The following SP6 variants were observed in gnomAD, a reference collection of about 807,000 sequenced individuals.
SP6 encodes Sp6 transcription factor.
Under a neutral mutation model 23.4 loss-of-function variants are expected in SP6, and 10 were observed. That is an observed-to-expected ratio of 0.43 (90% CI 0.26 to 0.72). The LOEUF (loss-of-function observed/expected upper bound fraction) is 0.72. Ranked by LOEUF, SP6 falls within the 30% of genes least tolerant of loss-of-function variation. The probability of loss-of-function intolerance (pLI) is 0.23; values close to 1 mark genes in which losing one functional copy is unlikely to be tolerated. For missense variants in SP6, 482 were observed against 523.8 expected (o/e 0.92, Z 0.78); for synonymous variants, 238 against 238.7 (o/e 1.00, Z 0.03).
chr17:47,863,742 T>A, the SP6 span, among the ~76,000 whole-genome samples: 2 of 144,050 alleles, frequency 1.4e-5, no homozygotes, highest in Non-Finnish European at 3.0e-5. Flanking sequence ...TTTTGTATTT[T>A]TTTTTTTTTT....
upstream of SP6, among the ~76,000 whole-genome samples, chr17:47,860,728 A>G: frequency 9.7e-6 from 1 of 103,128 alleles, no homozygotes. Flanking sequence ...TAAAATAAAT[A>G]AATAAATAAA....
At chr17:47,868,789 G>A in the SP6 span, among the ~76,000 whole-genome samples, 1 of 152,176 alleles carries the variant, frequency 6.6e-6, no homozygotes, top group Non-Finnish European at 1.5e-5. Flanking sequence ...GGAGGAGAAG[G>A]GTTCCTGAGG....
upstream of SP6, among the ~76,000 whole-genome samples, chr17:47,851,716 C>A (rs1305515631): frequency 6.8e-6 from 1 of 146,500 alleles, no homozygotes; most frequent in Non-Finnish European, 1.5e-5. Context: ...GACCCCCGAC[C>A]CCCGTCCCCT....
rs898258506 is a variant in SP6, at chr17:47,846,626, T to G, written c.*673A>C. The G allele has an allele frequency of 6.6e-6, 1 of 152,120 alleles. No individual in the cohort carries two copies. The highest frequency in any genetic ancestry group is 1.5e-5 in the Non-Finnish European group (1 of 68,010). 9.4% of individuals were successfully genotyped at this position (152,120 alleles called of 1,614,324 possible). ...GCCCTGGCTGGGAGGCTGTCAGGAA[T>G]GGCAGCCCTCTTTCCCTCTTCCTTC... is the stretch of plus-strand genomic sequence containing the variant. On this transcript the variant is annotated 3_prime_UTR_variant, in exon 2 of 2. Coordinates refer to ENST00000536300, the MANE Select transcript of SP6 (RefSeq NM_001258248.2).
the SP6 span, chr17:47,863,215 T>G: frequency 3.3e-5 from 5 of 152,276 alleles, no homozygotes; most frequent in African/African-American, 1.2e-4. Context: ...ATTTGCAGTG[T>G]CACCTCTGAT....
upstream of SP6, among the ~76,000 whole-genome samples, chr17:47,860,634 C>T (rs1015348416): frequency 6.7e-6 from 1 of 148,700 alleles, no homozygotes; most frequent in African/African-American, 2.5e-5. Context: ...GAGGCGGAGG[C>T]GGGAGGATTA....
chr17:47,863,994 C>T, the SP6 span, among the ~76,000 whole-genome samples: 4 of 146,506 alleles, frequency 2.7e-5, no homozygotes, highest in Non-Finnish European at 4.5e-5. Flanking sequence ...TGAGCTACCG[C>T]GCCTGGCTTT....
chr17:47,845,659 G>A lies in SP6; in HGVS notation c.*1640C>T, dbSNP rs1364374951. Reference sequence around the variant, plus strand: ...ATAAGATGGGGTCTCCCTGGCTAGAGACCCCAGGCTCAGTAGAGAAACACA... The same window carrying A: ...ATAAGATGGGGTCTCCCTGGCTAGAAACCCCAGGCTCAGTAGAGAAACACA... On this transcript the variant is annotated 3_prime_UTR_variant, in exon 2 of 2. Coordinates refer to ENST00000536300, the MANE Select transcript of SP6 (RefSeq NM_001258248.2). 1.3e-5 allele frequency: 2 copies of A among 152,586 alleles called. No homozygotes were observed. The highest frequency in any genetic ancestry group is 2.9e-5 in the Non-Finnish European group (2 of 68,028). The allele number at this position is 152,586 out of a possible 1,614,324, so 9.5% of individuals were successfully genotyped here. A position where few individuals can be genotyped will look rare whatever the true frequency, so the allele number is the denominator to read the frequency against.
the SP6 span, among the ~76,000 whole-genome samples, chr17:47,863,022 C>T: frequency 2.3e-4 from 35 of 152,364 alleles, no homozygotes; most frequent in Admixed American, 5.2e-4. Flanking sequence ...TTTTAGAGGG[C>T]GCCCAGCGCC....
the SP6 span, among the ~76,000 whole-genome samples, chr17:47,871,624 T>C: frequency 6.6e-6 from 1 of 150,840 alleles, no homozygotes; most frequent in Non-Finnish European, 1.5e-5. Context: ...TTTCTTTCTT[T>C]TTTTTTTTTT....
the SP6 span, among the ~76,000 whole-genome samples, chr17:47,862,507 CAAAAAAA>C: frequency 4.6e-5 from 4 of 86,050 alleles, no homozygotes; most frequent in Admixed American, 1.3e-4. Context: ...GACTTTGTCT[CAAAAAAA>C]AAAAAAAAAA....
upstream of SP6, among the ~76,000 whole-genome samples, chr17:47,857,579 G>A (rs1487976284): frequency 6.6e-6 from 1 of 152,034 alleles, no homozygotes; most frequent in Non-Finnish European, 1.5e-5. Flanking sequence ...CTGGCCTCTG[G>A]ATCAGTCAGG....
Position 47,848,440 on chromosome 17 carries a change from C to T in SP6, c.-11G>A. 1 of 1,490,766 alleles carries T rather than the reference C, an allele frequency of 6.7e-7. No homozygotes were observed. The highest frequency in any genetic ancestry group is 9.0e-7 in the Non-Finnish European group (1 of 1,116,512). The allele number at this position is 1,490,766 out of a possible 1,614,324, so 92.3% of individuals were successfully genotyped here. On this transcript the variant is annotated 5_prime_UTR_variant, in exon 2 of 2. Transcript: ENST00000536300. The surrounding 1 kb of genome is among the most constrained non-coding windows in gnomAD (Gnocchi z 5.3). ...GACAGCGGTTAGCATTGCCGGGATC[C>T]GGGGTGGGGTGAGGGCAGGGACGGT...
the SP6 span, among the ~76,000 whole-genome samples, chr17:47,869,060 TC>T: frequency 6.6e-6 from 1 of 152,272 alleles, no homozygotes; most frequent in Non-Finnish European, 1.5e-5. Context: ...GACTCCCCAC[TC>T]CCCCATATCT....
At chr17:47,856,135 A>G (rs1005529539), upstream of SP6, among the ~76,000 whole-genome samples, 1 of 152,212 alleles carries the variant, frequency 6.6e-6, no homozygotes, top group Non-Finnish European at 1.5e-5. Flanking sequence ...CATGCCCCCA[A>G]CAAACACACA....
In SP6 at chr17:47,847,285, C is replaced by A. The variant is rs1278774046; in HGVS notation, c.*14G>T. ...GCCCCCCGGGATACCCGCAGGGAGGCGGCACTGAGGAGCTCAGTTGGAGGG... is the reference window on the plus strand; with the variant it reads ...GCCCCCCGGGATACCCGCAGGGAGGAGGCACTGAGGAGCTCAGTTGGAGGG... On this transcript the variant is annotated 3_prime_UTR_variant, in exon 2 of 2. Coordinates refer to ENST00000536300, the MANE Select transcript of SP6 (RefSeq NM_001258248.2). 1 of 1,499,282 alleles carries A rather than the reference C, an allele frequency of 6.7e-7. No homozygotes were observed. The highest frequency in any genetic ancestry group is 8.9e-7 in the Non-Finnish European group (1 of 1,121,688). The allele number at this position is 1,499,282 out of a possible 1,614,324, so 92.9% of individuals were successfully genotyped here. A position where few individuals can be genotyped will look rare whatever the true frequency, so the allele number is the denominator to read the frequency against.
the SP6 span, among the ~76,000 whole-genome samples, chr17:47,861,218 G>A: frequency 7.2e-5 from 11 of 152,102 alleles, no homozygotes; most frequent in Non-Finnish European, 1.6e-4. Context: ...GCCTGGTGTG[G>A]CCCGTAGGTT....
the SP6 span, among the ~76,000 whole-genome samples, chr17:47,868,464 G>A: frequency 1.3e-5 from 2 of 151,322 alleles, no homozygotes; most frequent in East Asian, 3.9e-4. Flanking sequence ...CACAGCCAGT[G>A]GGGGGCACTG....
chr17:47,866,461 G>A, the SP6 span, among the ~76,000 whole-genome samples: 1 of 152,192 alleles, frequency 6.6e-6, no homozygotes, highest in Non-Finnish European at 1.5e-5. Context: ...TGGGAGCCAG[G>A]AGATAGGGTT....
Sources: gnomAD v4.1 joint callset for allele counts (sites outside exome capture counted in the v4.1 genomes callset) on GRCh38, gnomAD v4.1.1 for gene constraint, Gnocchi (gnomAD v3.1) non-coding constraint, MANE v1.5 for transcripts, NCBI Gene and HGNC (gene_info 2026-07-23, HGNC 2026-07-21) for gene names.